The following STAB1 variants were observed in gnomAD, a reference collection of about 807,000 sequenced individuals.
The protein encoded by STAB1 is stabilin 1, also known as stabilin-1.
STAB1 carries 250 observed loss-of-function variants against 332.4 expected under a neutral mutation model. That is an observed-to-expected ratio of 0.75 (90% CI 0.68 to 0.84). The LOEUF is 0.84. Among genes scored for constraint, STAB1 ranks in the 40% least tolerant of loss-of-function variants. The pLI is 0.00. For synonymous variants in STAB1, 1,475 were observed against 1,390.4 expected (o/e 1.06, Z -1.35); for missense variants, 3,249 against 3,489.7 (o/e 0.93, Z 1.74).
chr3:52,511,749 AG>A lies in STAB1; in HGVS notation c.2883+9del. ...CAATGGCGGCTGCCACGGCCTGGTA[AG>A]GGGGTGCAAGGCTCAGAGCCCTGGG... On this transcript the variant is annotated splice_donor_5th_base_variant and intron_variant, in intron 26 of 68. Transcript: ENST00000321725. 6.4e-7 allele frequency: 1 copy of A among 1,574,696 alleles called. No homozygotes were observed. Among genetic ancestry groups the A allele is most frequent in the African/African-American group, 1.3e-5 (1 of 74,284 alleles).
At chr3:52,501,428 C>A in intron 2 of STAB1, 126 bp downstream of exon 2, 1 of 1,453,166 alleles carries the variant, frequency 6.9e-7, no homozygotes, top group Non-Finnish European at 9.4e-7. Context: ...GTGGCCCCAC[C>A]TGGGTGGTGG....
At position 52,522,352 on chromosome 3, in the gene STAB1, A is replaced by G; in HGVS notation, c.6488A>G (p.His2163Arg). 1 of 1,613,010 alleles carries G rather than the reference A, an allele frequency of 6.2e-7. No individual in the cohort carries two copies. Among genetic ancestry groups the G allele is most frequent in the Non-Finnish European group, 8.5e-7 (1 of 1,180,016 alleles). ...CAGAACACACGGCGCTGTGAGTGCC[A>G]CGCAGGCTACGTAGGCGATGGACTG... ...TGLNTRRCECHAGYVGDGLQC... is the reference protein window; with the variant it reads ...TGLNTRRCECRAGYVGDGLQC... The change falls in exon 60 of 69, where the codon CAC becomes CGC. Residue 2163 changes from histidine to arginine, a missense_variant. Physicochemically the swap from His to Arg is conservative, Grantham distance 29. Coordinates refer to ENST00000321725, the MANE Select transcript of STAB1 (RefSeq NM_015136.3).
At chr3:52,505,583 C>A in intron 14 of STAB1, 85 bp from the exon 15 acceptor site, 2 of 1,398,098 alleles carry the variant, frequency 1.4e-6, no homozygotes, top group Non-Finnish European at 2.0e-6. Context: ...GAGTTTCCTG[C>A]AGGCCAAAGG....
At chr3:52,499,462 C>G (rs1186242441) in intron 1 of STAB1, among the ~76,000 whole-genome samples, 1 of 152,248 alleles carries the variant, frequency 6.6e-6, no homozygotes, top group African/African-American at 2.4e-5. Flanking sequence ...CATCTCACCA[C>G]CCCAAGCCCT....
chr3:52,502,541 A>C, intron 5 of STAB1, 91 bp from the exon 6 acceptor site: 3 of 1,185,034 alleles, frequency 2.5e-6, no homozygotes, highest in Non-Finnish European at 3.7e-6. Flanking sequence ...GCCCGAGCTG[A>C]GTTCTAAAAA....
intron 21 of STAB1, 78 bp downstream of exon 21, chr3:52,508,437 T>G (rs1575322761): frequency 7.0e-7 from 1 of 1,428,568 alleles, no homozygotes; most frequent in Non-Finnish European, 9.7e-7. Context: ...ACTGGCTGTG[T>G]GTCTGGGCCA....
chr3:52,505,977 G>T, intron 16 of STAB1, 41 bp downstream of exon 16: 1 of 1,611,598 alleles, frequency 6.2e-7, no homozygotes. Context: ...CTTGTACCCG[G>T]TGGGCCTGCC....
Position 52,523,870 on chromosome 3 carries a change from G to T in STAB1, c.7396-1G>T. ...TCAACACTCTCCCTGTTTGTTTGTA[G>T]CAGGCAGTGCTGGCGCCTGAAGCCC... On this transcript the variant is annotated splice_acceptor_variant, in intron 66 of 68. Transcript: ENST00000321725. LOFTEE classifies it high-confidence loss of function. The T allele has an allele frequency of 6.3e-7, 1 of 1,597,386 alleles. No individual in the cohort carries two copies.
chr3:52,509,067 A>T, intron 21 of STAB1, 143 bp from the exon 22 acceptor site: 1 of 704,448 alleles, frequency 1.4e-6, no homozygotes, highest in Non-Finnish European at 2.3e-6. Flanking sequence ...TGGCGGCATC[A>T]GTGATTTTGA....
In STAB1 at chr3:52,514,511, G is replaced by A; in HGVS notation, c.3678+15G>A. ...ACAGTGGCCAGGTTTGGGGGTCAGG[G>A]AGCAAGGAGACCCTAGCCCGGGCCC... is the stretch of plus-strand genomic sequence containing the variant. On this transcript the variant is annotated intron_variant, in intron 34 of 68. Coordinates refer to ENST00000321725, the MANE Select transcript of STAB1 (RefSeq NM_015136.3). The A allele has an allele frequency of 6.6e-7, 1 of 1,524,328 alleles. No homozygotes were observed. The highest frequency in any genetic ancestry group is 1.3e-5 in the South Asian group (1 of 76,576). 94.4% of individuals were successfully genotyped at this position (1,524,328 alleles called of 1,614,324 possible).
Position 52,520,554 on chromosome 3 carries a change from G to A in STAB1, c.5649+5G>A. On this transcript the variant is annotated splice_donor_5th_base_variant and intron_variant, in intron 53 of 68. Transcript: ENST00000321725. ...GAGACCCGGCCCCTGCGACTGGTGA[G>A]GGAGGCCAGAGGCAGACGGGCAGAA... 1 of 1,611,018 alleles carries A rather than the reference G, an allele frequency of 6.2e-7. No homozygotes were observed. Among genetic ancestry groups the A allele is most frequent in the Non-Finnish European group, 8.5e-7 (1 of 1,178,538 alleles).
intron 35 of STAB1, 21 bp from the exon 36 acceptor site, chr3:52,514,967 GC>G (rs1406698100): frequency 7.4e-6 from 12 of 1,613,300 alleles, no homozygotes; most frequent in Non-Finnish European, 1.0e-5. Context: ...ACTGCCTGAT[GC>G]CCCACCCTTT....
At chr3:52,496,949 A>G (rs1030053518) in intron 1 of STAB1, among the ~76,000 whole-genome samples, 6 of 152,238 alleles carry the variant, frequency 3.9e-5, no homozygotes, top group African/African-American at 1.4e-4. Flanking sequence ...GGGTTCAACC[A>G]ACCCTGGATT....
rs780041870 is a variant in STAB1, at chr3:52,513,744, G to A, written c.3298G>A (p.Asp1100Asn). The change falls in exon 31 of 69, where the codon GAT becomes AAT. Residue 1100 changes from aspartate (D) to asparagine (N), a missense_variant. Coordinates refer to ENST00000321725, the MANE Select transcript of STAB1 (RefSeq NM_015136.3). The part of the protein sequence containing the change: ...GRVWVQNASV[D>N]VADLLATNGV... ...GGTCTGGGTGCAGAATGCCAGCGTG[G>A]ATGTGGCTGACCTCCTTGCCACCAA... 1 of 1,613,432 alleles carries A rather than the reference G, an allele frequency of 6.2e-7. No homozygotes were observed. Among genetic ancestry groups the A allele is most frequent in the Non-Finnish European group, 8.5e-7 (1 of 1,180,008 alleles).
Position 52,501,677 on chromosome 3 carries a change from C to A in STAB1, c.255C>A (p.Ser85Arg), listed in dbSNP as rs779061430. The change falls in exon 3 of 69, where the codon AGC becomes AGA. Residue 85 changes from serine (S) to arginine (R), a missense_variant. Coordinates refer to ENST00000321725, the MANE Select transcript of STAB1 (RefSeq NM_015136.3). Reference protein sequence around the residue: ...VQLGGSMVSMSGCRRKCRKQV... With the variant: ...VQLGGSMVSMRGCRRKCRKQV... ...TGGGGGGCTCTATGGTGTCCATGAGCGGCTGCAGACGGAAGTGCCGGAAGC... is the reference window on the plus strand; with the variant it reads ...TGGGGGGCTCTATGGTGTCCATGAGAGGCTGCAGACGGAAGTGCCGGAAGC... 3 of 1,577,874 alleles carry A rather than the reference C, an allele frequency of 1.9e-6. No homozygotes were observed. The East Asian group carries it at 7.0e-5, about 37-fold the overall frequency.
At chr3:52,501,609 C>T in intron 2 of STAB1, 29 bp from the exon 3 acceptor site, 1 of 1,539,504 alleles carries the variant, frequency 6.5e-7, no homozygotes, top group Non-Finnish European at 8.8e-7. Context: ...GGAGCCTTTT[C>T]CATCACCCTG....
chr3:52,510,391 T>C lies in STAB1; in HGVS notation c.2671T>C (p.Cys891Arg). 2 of 1,614,094 alleles carry C rather than the reference T, an allele frequency of 1.2e-6. No homozygotes were observed. Among genetic ancestry groups the C allele is most frequent in the Non-Finnish European group, 8.5e-7 (1 of 1,180,034 alleles). The change falls in exon 25 of 69, where the codon TGC becomes CGC. Residue 891 changes from cysteine (C) to arginine (R), a missense_variant. Coordinates refer to ENST00000321725, the MANE Select transcript of STAB1 (RefSeq NM_015136.3). ...PGSLGTHHCT[C>R]HKGWSGDGRV... ...GTCCCTGGGCACCCACCACTGCACA[T>C]GCCACAAAGGCTGGAGTGGGGATGG...
At chr3:52,495,619 CT>C in intron 1 of STAB1, 128 bp downstream of exon 1, 1 of 835,622 alleles carries the variant, frequency 1.2e-6, no homozygotes, top group Non-Finnish European at 1.6e-6. Flanking sequence ...TGTCTGGCCT[CT>C]TAGCAGGCCT....
In STAB1 at chr3:52,502,170, C is replaced by A; in HGVS notation, c.429C>A (p.Arg143=). 2 of 1,613,408 alleles carry A rather than the reference C, an allele frequency of 1.2e-6. No individual in the cohort carries two copies. Among genetic ancestry groups the A allele is most frequent in the Non-Finnish European group, 1.7e-6 (2 of 1,180,004 alleles). ...NGTCVCQENF[R]GSACQECQDP... ...GCATCCACCACCAGGAAAACTTCCG[C>A]GGCTCAGCCTGCCAGGAGTGCCAAG... The change falls in exon 5 of 69, where the codon CGC becomes CGA. Residue 143 remains arginine, a synonymous_variant. Coordinates refer to ENST00000321725, the MANE Select transcript of STAB1 (RefSeq NM_015136.3).
Sources: allele counts gnomAD v4.1 joint callset (sites outside exome capture counted in the v4.1 genomes callset), GRCh38; gene constraint gnomAD v4.1.1; transcripts MANE v1.5; gene names NCBI Gene and HGNC (gene_info 2026-07-23, HGNC 2026-07-21).